The following ATP8A1 variants were observed in gnomAD, a reference collection of about 807,000 sequenced individuals.
ATP8A1 encodes the protein ATPase phospholipid transporting 8A1.
A neutral mutation model predicts 177.7 loss-of-function variants in ATP8A1; 90 were observed. The ratio of observed to expected loss-of-function variants is 0.51; its 90% confidence interval spans 0.43 to 0.60. The LOEUF (loss-of-function observed/expected upper bound fraction) is 0.60. ATP8A1 is among the 20% of genes least tolerant of loss of function. The pLI, the probability that ATP8A1 is intolerant of heterozygous loss-of-function variation, is 0.00. For synonymous variants in ATP8A1, 493 were observed against 485.9 expected (o/e 1.01, Z -0.19); for missense variants, 1,072 against 1,392.8 (o/e 0.77, Z 3.67).
chr4:42,586,529 G>A, intron 8 of ATP8A1, 53 bp from the exon 9 acceptor site: 1 of 1,542,368 alleles, frequency 6.5e-7, no homozygotes. Flanking sequence ...TTGTATCTGG[G>A]CAAAGAGGAG....
intron 14 of ATP8A1, among the ~76,000 whole-genome samples, chr4:42,572,758 G>GT (rs1282847153): frequency 6.6e-6 from 1 of 152,122 alleles, no homozygotes; most frequent in Non-Finnish European, 1.5e-5. Context: ...GTTAGATTTC[G>GT]TATCTGGAAA....
intron 21 of ATP8A1, 32 bp from the exon 22 acceptor site, chr4:42,522,331 A>C: frequency 1.9e-6 from 3 of 1,598,640 alleles, no homozygotes; most frequent in Non-Finnish European, 2.5e-6. Flanking sequence ...ACCCCAACAC[A>C]CCAAAGATTT....
rs1219538481 is a variant in ATP8A1, at chr4:42,586,516, A to G, written c.595-40T>C. On this transcript the variant is annotated intron_variant, in intron 8 of 36. Transcript: ENST00000381668. ...TAAATAAGCAAAAAGTATATTAAAT[A>G]AGTTGTATCTGGGCAAAGAGGAGGA... 3.8e-6 allele frequency: 6 copies of G among 1,595,510 alleles called. No homozygotes were observed. The African/African-American group carries it at 4.0e-5, about 11-fold the overall frequency.
intron 6 of ATP8A1, among the ~76,000 whole-genome samples, chr4:42,596,896 T>A (rs1277688752): frequency 6.6e-6 from 1 of 152,090 alleles, no homozygotes; most frequent in Non-Finnish European, 1.5e-5. Flanking sequence ...AAAGAAATAA[T>A]CTGTGGCAAG....
At chr4:42,642,474 GC>G (rs1740099870) in intron 1 of ATP8A1, among the ~76,000 whole-genome samples, 2 of 152,192 alleles carry the variant, frequency 1.3e-5, no homozygotes, top group Admixed American at 1.3e-4. Flanking sequence ...TCAGGATGTA[GC>G]TAAAGAAGAC....
chr4:42,424,813 C>T (rs559172495), intron 33 of ATP8A1, among the ~76,000 whole-genome samples: 57 of 152,266 alleles, frequency 3.7e-4, no homozygotes, highest in African/African-American at 1.2e-3. Flanking sequence ...TAAGATTTTT[C>T]GCTATGTAGA....
At chr4:42,612,980 A>G (rs1736523387) in intron 5 of ATP8A1, among the ~76,000 whole-genome samples, 1 of 152,178 alleles carries the variant, frequency 6.6e-6, no homozygotes, top group Non-Finnish European at 1.5e-5. Flanking sequence ...GACAAAATGA[A>G]AATGAGTTGG....
intron 15 of ATP8A1, among the ~76,000 whole-genome samples, chr4:42,561,241 C>T (rs2153215150): frequency 6.6e-6 from 1 of 152,204 alleles, no homozygotes; most frequent in African/African-American, 2.4e-5. Flanking sequence ...GCGCACTGGG[C>T]CTCGGGCCGG....
At chr4:42,448,355 C>T (rs990490834) in intron 30 of ATP8A1, among the ~76,000 whole-genome samples, 4 of 147,982 alleles carry the variant, frequency 2.7e-5, no homozygotes, top group African/African-American at 7.4e-5. Flanking sequence ...TTTGATACTA[C>T]ATCAAAACTC....
chr4:42,572,508 C>T (rs1732009818), intron 14 of ATP8A1, among the ~76,000 whole-genome samples: 1 of 152,210 alleles, frequency 6.6e-6, no homozygotes, highest in Non-Finnish European at 1.5e-5. Context: ...CTCTACGATG[C>T]TAACAGTCCA....
intron 25 of ATP8A1, 108 bp downstream of exon 25, chr4:42,485,388 G>A: frequency 9.6e-7 from 1 of 1,046,208 alleles, no homozygotes; most frequent in Non-Finnish European, 1.3e-6. Context: ...ACATTAGTAA[G>A]TAACCTAACT....
intron 24 of ATP8A1, among the ~76,000 whole-genome samples, chr4:42,486,189 C>G (rs561822445): frequency 4.6e-5 from 7 of 152,264 alleles, no homozygotes; most frequent in Non-Finnish European, 1.0e-4. Flanking sequence ...TGGGACCTCA[C>G]ATTCTGTATT....
At chr4:42,416,374 G>C (rs1322684214) in intron 35 of ATP8A1, among the ~76,000 whole-genome samples, 1 of 152,058 alleles carries the variant, frequency 6.6e-6, no homozygotes, top group Non-Finnish European at 1.5e-5. Flanking sequence ...CCAGGTTTCA[G>C]GCTGGCCTTC....
chr4:42,513,943 A>G (rs1681445606), intron 22 of ATP8A1, among the ~76,000 whole-genome samples: 1 of 152,210 alleles, frequency 6.6e-6, no homozygotes, highest in African/African-American at 2.4e-5. Flanking sequence ...GAGGCATTCT[A>G]CAACACTGGT....
chr4:42,559,037 T>G (rs1025946629), intron 15 of ATP8A1, among the ~76,000 whole-genome samples: 1 of 152,044 alleles, frequency 6.6e-6, no homozygotes. Context: ...TAGCCAGGTC[T>G]GGTGGTATGC....
chr4:42,408,560 G>A lies in ATP8A1; in HGVS notation c.*4356C>T, dbSNP rs1237168499. 1 of 152,072 alleles carries A rather than the reference G, an allele frequency of 6.6e-6. No individual in the cohort carries two copies. Among genetic ancestry groups the A allele is most frequent in the African/African-American group, 2.4e-5 (1 of 41,406 alleles). The allele number at this position is 152,072 out of a possible 1,614,324, so 9.4% of individuals were successfully genotyped here. On this transcript the variant is annotated 3_prime_UTR_variant, in exon 37 of 37. Transcript: ENST00000381668. ...CAAACATCAAGATAAACAAACCTGAGAAAACTACTATAACCACAGATTCAA... is the reference window on the plus strand; with the variant it reads ...CAAACATCAAGATAAACAAACCTGAAAAAACTACTATAACCACAGATTCAA...
At chr4:42,556,531 T>C (rs1383894155) in intron 15 of ATP8A1, among the ~76,000 whole-genome samples, 1 of 150,370 alleles carries the variant, frequency 6.7e-6, no homozygotes, top group Non-Finnish European at 1.5e-5. Context: ...TATATCAACA[T>C]CTATCATTAA....
chr4:42,629,486 A>G (rs543992332), intron 1 of ATP8A1, among the ~76,000 whole-genome samples: 43 of 152,346 alleles, frequency 2.8e-4, no homozygotes, highest in African/African-American at 9.9e-4. Context: ...TCTGCACTGA[A>G]AGCAGGGAGT....
chr4:42,579,690 T>G, intron 11 of ATP8A1, 123 bp downstream of exon 11: 2 of 887,026 alleles, frequency 2.3e-6, no homozygotes, highest in Non-Finnish European at 3.4e-6. Flanking sequence ...AAAGATCAAA[T>G]GTCCAGCTAT....
Sources: gnomAD v4.1 joint callset for allele counts (sites outside exome capture counted in the v4.1 genomes callset) on GRCh38, gnomAD v4.1.1 for gene constraint, MANE v1.5 for transcripts, NCBI Gene and HGNC (gene_info 2026-07-23, HGNC 2026-07-21) for gene names.